Variants in FAM83A observed in about 807,000 individuals in gnomAD.
FAM83A encodes the protein protein FAM83A.
In FAM83A, 21 loss-of-function variants were observed where a neutral mutation model predicts 24.4. The ratio of observed to expected loss-of-function variants is 0.86; its 90% CI spans 0.61 to 1.24. The LOEUF (loss-of-function observed/expected upper bound fraction) is 1.24. Ranked by LOEUF, FAM83A falls within the 50% of genes most tolerant of loss-of-function variation. The pLI, the probability that FAM83A is intolerant of heterozygous loss-of-function variation, is 0.00. For missense variants in FAM83A, 617 were observed against 579.8 expected, an observed-to-expected ratio of 1.06 and a Z score of -0.66; for synonymous variants, 270 against 252.4, an observed-to-expected ratio of 1.07 and a Z score of -0.66.
chr8:123,207,538 C>A, exon 4 of FAM83A: 1 of 1,561,950 alleles, frequency 6.4e-7, no homozygotes, highest in South Asian at 1.2e-5. Flanking sequence ...AGGCCCACCT[C>A]TCCCCGCGGC....
intron 3 of FAM83A, among the ~76,000 whole-genome samples, chr8:123,195,916 C>T (rs1408504463): frequency 6.6e-6 from 1 of 152,270 alleles, no homozygotes; most frequent in Non-Finnish European, 1.5e-5. Context: ...CAGAAACAGA[C>T]ATTCAGTCTA....
chr8:123,196,173 G>A (rs528931565), intron 3 of FAM83A, among the ~76,000 whole-genome samples: 1 of 152,178 alleles, frequency 6.6e-6, no homozygotes, highest in South Asian at 2.1e-4. Flanking sequence ...CACCACGCTC[G>A]GCTAATTTTT....
At chr8:123,191,811 C>A in exon 2 of FAM83A, 1 of 1,613,774 alleles carries the variant, frequency 6.2e-7, no homozygotes, top group South Asian at 1.1e-5. Flanking sequence ...AGGTCCTGGT[C>A]ATCCTGATGG....
upstream of FAM83A, chr8:123,182,500 C>A (rs11988157): frequency 2.1e-6 from 1 of 478,404 alleles, no homozygotes; most frequent in Admixed American, 2.3e-5. Flanking sequence ...GGGAGAGTTG[C>A]GAAACCCAGC....
chr8:123,208,052 TG>T, exon 4 of FAM83A: 2 of 1,064,218 alleles, frequency 1.9e-6, no homozygotes, highest in Non-Finnish European at 2.3e-6. Context: ...GTTTTACAAA[TG>T]GGTAAACAGA....
At chr8:123,208,446 G>T (rs1044371137) in exon 4 of FAM83A, 2 of 985,502 alleles carry the variant, frequency 2.0e-6, no homozygotes, top group Non-Finnish European at 1.2e-6. Flanking sequence ...GGACCTAGGA[G>T]CTTGAGTTGT....
At chr8:123,183,748 T>C (rs1252152899) in intron 1 of FAM83A, among the ~76,000 whole-genome samples, 1 of 150,724 alleles carries the variant, frequency 6.6e-6, no homozygotes, top group Non-Finnish European at 1.5e-5. Context: ...CAAGCTGGAG[T>C]GTAGTGGCAC....
At chr8:123,194,203 A>C in intron 3 of FAM83A, 55 bp downstream of exon 3, 2 of 1,606,754 alleles carry the variant, frequency 1.2e-6, no homozygotes, top group Non-Finnish European at 1.7e-6. Context: ...GGGCTGAGTG[A>C]GGTGCAGACC....
intron 3 of FAM83A, among the ~76,000 whole-genome samples, chr8:123,197,852 G>A (rs1001562633): frequency 1.3e-5 from 2 of 152,202 alleles, no homozygotes; most frequent in African/African-American, 2.4e-5. Flanking sequence ...GATCTGGGCC[G>A]GGTGCAGTGG....
At chr8:123,186,848 T>A (rs1823817362) in intron 1 of FAM83A, among the ~76,000 whole-genome samples, 1 of 152,036 alleles carries the variant, frequency 6.6e-6, no homozygotes, top group Non-Finnish European at 1.5e-5. Flanking sequence ...AACACTTCCC[T>A]TATTCCACAA....
At chr8:123,184,585 C>T (rs1236176881) in intron 1 of FAM83A, among the ~76,000 whole-genome samples, 2 of 152,102 alleles carry the variant, frequency 1.3e-5, no homozygotes, top group Admixed American at 6.5e-5. Flanking sequence ...CCCAATGCCC[C>T]GAGATCTCCA....
chr8:123,183,367 C>G, intron 1 of FAM83A, 31 bp downstream of exon 1: 1 of 1,589,634 alleles, frequency 6.3e-7, no homozygotes, highest in Non-Finnish European at 8.6e-7. Flanking sequence ...GTCTCCGTGG[C>G]CAAGTAGCAG....
chr8:123,206,065 C>A (rs923825785), intron 3 of FAM83A, among the ~76,000 whole-genome samples: 9 of 151,680 alleles, frequency 5.9e-5, no homozygotes, highest in African/African-American at 1.9e-4. Flanking sequence ...ATCGTTTGAA[C>A]CTGAGAGGCG....
At chr8:123,206,528 C>G (rs1485484194) in intron 3 of FAM83A, among the ~76,000 whole-genome samples, 1 of 152,168 alleles carries the variant, frequency 6.6e-6, no homozygotes. Context: ...CAGGTGGAGA[C>G]GAGAAGGCCC....
upstream of FAM83A, chr8:123,182,285 G>A (rs182464630): frequency 4.0e-4 from 148 of 372,814 alleles, no homozygotes; most frequent in Admixed American, 2.2e-3. Flanking sequence ...TCCCTGGCCC[G>A]TGTCCAGCTC....
chr8:123,198,207 C>T (rs1437594761), intron 3 of FAM83A, among the ~76,000 whole-genome samples: 1 of 152,110 alleles, frequency 6.6e-6, no homozygotes, highest in Non-Finnish European at 1.5e-5. Context: ...AAAAAGTCTT[C>T]TTACCCGGAG....
intron 1 of FAM83A, among the ~76,000 whole-genome samples, chr8:123,188,871 G>A (rs1674111755): frequency 6.6e-6 from 1 of 152,174 alleles, no homozygotes; most frequent in Non-Finnish European, 1.5e-5. Context: ...ATCCCAACAG[G>A]AAGCAAACAA....
intron 3 of FAM83A, among the ~76,000 whole-genome samples, chr8:123,196,042 C>T (rs753042697): frequency 2.8e-4 from 43 of 152,364 alleles, no homozygotes; most frequent in Non-Finnish European, 5.0e-4. Context: ...GACGGAGTCT[C>T]GCTCTGTCAC....
chr8:123,187,089 C>A (rs1823827314), intron 1 of FAM83A, among the ~76,000 whole-genome samples: 1 of 152,086 alleles, frequency 6.6e-6, no homozygotes, highest in African/African-American at 2.4e-5. Context: ...TAAGCGTTTG[C>A]TGGGCAGAGA....
Sources: gnomAD v4.1 joint callset for allele counts (sites outside exome capture counted in the v4.1 genomes callset) on GRCh38, gnomAD v4.1.1 for gene constraint, MANE v1.5 for transcripts, NCBI Gene and HGNC (gene_info 2026-07-23, HGNC 2026-07-21) for gene names.